DNAH1: variants seen among roughly 807,000 people sequenced by gnomAD.
DNAH1 encodes dynein axonemal heavy chain 1.
A neutral mutation model predicts 484.3 loss-of-function variants in DNAH1; 327 were observed. The ratio of observed to expected loss-of-function variants is 0.68; its 90% CI spans 0.62 to 0.74. The LOEUF is 0.74. Among genes scored for constraint, DNAH1 ranks in the 30% least tolerant of loss-of-function variants. The pLI, the probability that DNAH1 is intolerant of heterozygous loss-of-function variation, is 0.00. For synonymous variants in DNAH1, 2,192 were observed against 2,191.9 expected, an observed-to-expected ratio of 1.00 and a Z score of 0.00; for missense variants, 5,052 against 5,546.8, an observed-to-expected ratio of 0.91 and a Z score of 2.83.
chr3:52,350,107 A>C lies in DNAH1; in HGVS notation c.2645A>C (p.Glu882Ala). ...ATCCCGGAGAGGCTGGTGGGCCTGG[A>C]GGTGAGGCAGGCACACGGGCACTGG... is the stretch of plus-strand genomic sequence containing the variant. ...KGIPERLVGL[E>A]ERIVKVMDDY... The change falls in exon 15 of 78, where the codon GAG (glutamate) becomes GCG (alanine). Residue 882 changes from glutamate (E) to alanine (A), a missense_variant and splice_region_variant. This residue lies in a region of DNAH1 where 1,263 missense variants were observed against 1,218.8 expected (regional missense o/e 1.04). Transcript: ENST00000420323. The C allele has an allele frequency of 6.2e-7, 1 of 1,610,354 alleles. No homozygotes were observed. Among genetic ancestry groups the C allele is most frequent in the Non-Finnish European group, 8.5e-7 (1 of 1,179,064 alleles).
rs756838503 is a variant in DNAH1 at position 52,353,355 on chromosome 3, C to CA, written c.3227-24dup. 4 of 1,608,602 alleles carry CA rather than the reference C, an allele frequency of 2.5e-6. No homozygotes were observed. The highest frequency in any genetic ancestry group is 3.4e-6 in the Non-Finnish European group (4 of 1,176,160). On this transcript the variant is annotated intron_variant, in intron 19 of 77. Transcript: ENST00000420323. This position sits in a 1 kb window ranked among gnomAD's most constrained non-coding sequence, Gnocchi z 5.0. ...CTCCCTGCCTCTGCCGCCTGCCTCT[C>CA]ATGCGTTTCTGTCTTACCCGGCAGC...
Position 52,364,550 on chromosome 3 carries a change from C to T in DNAH1, c.5245-88C>T. On this transcript the variant is annotated intron_variant, in intron 32 of 77. Coordinates refer to ENST00000420323, the MANE Select transcript of DNAH1 (RefSeq NM_015512.5). The surrounding 1 kb of genome is among the most constrained non-coding windows in gnomAD (Gnocchi z 4.2). Reference sequence around the variant, plus strand: ...GCTATGAGCTGGTGATGAGACTTGGCCAACTGCCAGGTGGGAGGCAGAGTG... The same window carrying T: ...GCTATGAGCTGGTGATGAGACTTGGTCAACTGCCAGGTGGGAGGCAGAGTG... 2.0e-6 allele frequency: 3 copies of T among 1,477,018 alleles called. No homozygotes were observed. Among genetic ancestry groups the T allele is most frequent in the Admixed American group, 1.7e-5 (1 of 59,286 alleles). The allele number at this position is 1,477,018 out of a possible 1,614,324, so 91.5% of individuals were successfully genotyped here. A position where few individuals can be genotyped will look rare whatever the true frequency, so the allele number is the denominator to read the frequency against.
chr3:52,400,309 T>A lies in DNAH1; in HGVS notation c.12677-16T>A. ...TAGGGCATGACCTAACCCGTCCCCC[T>A]CCTTGCCCATTCCAGGAACACTATC... On this transcript the variant is annotated splice_polypyrimidine_tract_variant and intron_variant, in intron 77 of 77. Transcript: ENST00000420323. 6.2e-7 allele frequency: 1 copy of A among 1,613,732 alleles called. No homozygotes were observed.
chr3:52,315,080 G>A (rs1700903606), upstream of DNAH1, among the ~76,000 whole-genome samples: 1 of 152,192 alleles, frequency 6.6e-6, no homozygotes, highest in Admixed American at 6.5e-5. Flanking sequence ...ACTGCTGAGG[G>A]CAGCTGAGCA....
chr3:52,351,425 A>G (rs1487529578), intron 16 of DNAH1, among the ~76,000 whole-genome samples: 1 of 152,166 alleles, frequency 6.6e-6, no homozygotes, highest in East Asian at 1.9e-4. Flanking sequence ...GGAGAGGGAG[A>G]CACTGGCAGA....
rs549905542 is a variant in DNAH1 at position 52,369,860 on chromosome 3, G to A, written c.5979G>A (p.Ala1993=). 1.7e-5 allele frequency: 28 copies of A among 1,612,776 alleles called. No homozygotes were observed. Among genetic ancestry groups the A allele is most frequent in the African/African-American group, 1.5e-4 (11 of 75,026 alleles). The change falls in exon 38 of 78, where the codon GCG becomes GCA. Residue 1993 remains alanine, a synonymous_variant. Coordinates refer to ENST00000420323, the MANE Select transcript of DNAH1 (RefSeq NM_015512.5). ...TGATGTTCGAGGTGCAAGACCTGGCGGTGGCTTCACCAGCTACAGTCTCCC... is the reference window on the plus strand; with the variant it reads ...TGATGTTCGAGGTGCAAGACCTGGCAGTGGCTTCACCAGCTACAGTCTCCC... The part of the protein sequence containing the change: ...MTMMFEVQDL[A]VASPATVSRC...
chr3:52,358,565 TC>T lies in DNAH1; in HGVS notation c.4096del (p.Gln1366ArgfsTer40). 2 of 1,608,158 alleles carry T rather than the reference TC, an allele frequency of 1.2e-6. No homozygotes were observed. The highest frequency in any genetic ancestry group is 1.7e-6 in the Non-Finnish European group (2 of 1,177,530). On this transcript the variant is annotated frameshift_variant, in exon 25 of 78. Coordinates refer to ENST00000420323, the MANE Select transcript of DNAH1 (RefSeq NM_015512.5). LOFTEE classifies it high-confidence loss of function. The surrounding 1 kb of genome is among the most constrained non-coding windows in gnomAD (Gnocchi z 4.2). ...CTCCTCCACTGCTTGCAGCTGCTAT[TC>T]CAGGAGGACCTGGAGATCACGCACA... ...KCFENIARLLFQEDLEITHMY... is the reference protein window; with the variant it reads ...KCFENIARLLXQEDLEITHMY...
intron 60 of DNAH1, among the ~76,000 whole-genome samples, chr3:52,390,565 A>G (rs1188849332): frequency 6.6e-6 from 1 of 152,236 alleles, no homozygotes; most frequent in African/African-American, 2.4e-5. Flanking sequence ...CAGGAGGGTC[A>G]GTGGGGTATG....
At chr3:52,340,978 C>CCCTT (rs113750705) in intron 8 of DNAH1, among the ~76,000 whole-genome samples, 419 of 151,618 alleles carry the variant, frequency 2.8e-3, no homozygotes, top group South Asian at 6.7e-3. Context: ...CTTCCTCCCT[C>CCCTT]CCTTCCTTCC....
intron 6 of DNAH1, among the ~76,000 whole-genome samples, chr3:52,328,910 C>T (rs1701447586): frequency 1.3e-5 from 2 of 152,210 alleles, no homozygotes. Context: ...AGTAGGCCAG[C>T]TCCAGGTGGG....
At chr3:52,322,305 T>TCA in intron 1 of DNAH1, 104 bp from the exon 2 acceptor site, 1 of 728,386 alleles carries the variant, frequency 1.4e-6, no homozygotes. Context: ...TACCCATGGG[T>TCA]CATGGGCTGG....
chr3:52,395,084 C>T lies in DNAH1; in HGVS notation c.10968+25C>T. On this transcript the variant is annotated intron_variant, in intron 68 of 77. Coordinates refer to ENST00000420323, the MANE Select transcript of DNAH1 (RefSeq NM_015512.5). The surrounding 1 kb of genome is among the most constrained non-coding windows in gnomAD (Gnocchi z 4.4). Reference sequence around the variant, plus strand: ...GGCAAGTGCTGGAACCCTGGCAGGACTGGCACCTTGAGCTTGTCCCCACCC... The same window carrying T: ...GGCAAGTGCTGGAACCCTGGCAGGATTGGCACCTTGAGCTTGTCCCCACCC... 2 of 1,597,556 alleles carry T rather than the reference C, an allele frequency of 1.3e-6. No homozygotes were observed. The highest frequency in any genetic ancestry group is 1.7e-5 in the Admixed American group (1 of 58,064).
In DNAH1 at chr3:52,396,765, T is replaced by C; in HGVS notation, c.11578T>C (p.Phe3860Leu). Residue 3860 changes from phenylalanine to leucine, a missense_variant, in exon 72 of 78, where the codon TTC becomes CTC. Phe to Leu is a conservative substitution (Grantham distance 22). This residue lies in a region of DNAH1 where 853 missense variants were observed against 899.0 expected (regional missense o/e 0.95). Coordinates refer to ENST00000420323, the MANE Select transcript of DNAH1 (RefSeq NM_015512.5). ...CATCTGCATCAGCCAGCTCAAGATG[T>C]TCCTGGACGAATATGATGACATCCC... ...LRICISQLKMFLDEYDDIPYK... is the reference protein window; with the variant it reads ...LRICISQLKMLLDEYDDIPYK... The C allele has an allele frequency of 6.2e-7, 1 of 1,613,732 alleles. No homozygotes were observed. The highest frequency in any genetic ancestry group is 8.5e-7 in the Non-Finnish European group (1 of 1,179,854).
rs1243639477 is a variant in DNAH1, at chr3:52,317,339, C to CG, written c.-35+797dup. 2.0e-5 allele frequency among the ~76,000 whole-genome samples: 3 copies of CG among 152,212 alleles called. No homozygotes were observed. The East Asian group carries it at 5.8e-4, about 29-fold the overall frequency. On this transcript the variant is annotated intron_variant, in intron 1 of 77. Transcript: ENST00000420323. ...GGTGGGCGCCCGAGCCGAGGGGTGT[C>CG]GGGCGCATCCGCTGCCCAGCGGAAG...
chr3:52,372,157 T>C, intron 42 of DNAH1, 70 bp from the exon 43 acceptor site: 1 of 1,610,156 alleles, frequency 6.2e-7, no homozygotes, highest in South Asian at 1.1e-5. Context: ...GCCTCCCACA[T>C]GGATGCAGGG....
At position 52,361,478 on chromosome 3, in the gene DNAH1, T is replaced by A; in HGVS notation, c.4874+126T>A. 1 of 1,292,382 alleles carries A rather than the reference T, an allele frequency of 7.7e-7. No individual in the cohort carries two copies. The highest frequency in any genetic ancestry group is 1.1e-6 in the Non-Finnish European group (1 of 945,038). 80.1% of individuals were successfully genotyped at this position (1,292,382 alleles called of 1,614,324 possible). A position where few individuals can be genotyped will look rare whatever the true frequency, so the allele number is the denominator to read the frequency against. On this transcript the variant is annotated intron_variant, in intron 29 of 77. Coordinates refer to ENST00000420323, the MANE Select transcript of DNAH1 (RefSeq NM_015512.5). The surrounding 1 kb of genome is among the most constrained non-coding windows in gnomAD (Gnocchi z 5.6). Reference sequence around the variant, plus strand: ...TGGTGGAGGGGACAGAAGGGGGTAATAGGCATCACGGCTTGGTCCTGGGGG... The same window carrying A: ...TGGTGGAGGGGACAGAAGGGGGTAAAAGGCATCACGGCTTGGTCCTGGGGG...
intron 8 of DNAH1, among the ~76,000 whole-genome samples, chr3:52,332,610 A>G (rs958799642): frequency 6.6e-6 from 1 of 152,176 alleles, no homozygotes; most frequent in African/African-American, 2.4e-5. Flanking sequence ...TCCTTATTTT[A>G]TTCAAAGGGT....
Position 52,362,553 on chromosome 3 carries a change from T to G in DNAH1, c.5094+52T>G. The G allele has an allele frequency of 1.3e-6, 2 of 1,498,030 alleles. No individual in the cohort carries two copies. Among genetic ancestry groups the G allele is most frequent in the Non-Finnish European group, 1.8e-6 (2 of 1,090,200 alleles). 92.8% of individuals were successfully genotyped at this position (1,498,030 alleles called of 1,614,324 possible). A position where few individuals can be genotyped will look rare whatever the true frequency, so the allele number is the denominator to read the frequency against. On this transcript the variant is annotated intron_variant, in intron 31 of 77. Transcript: ENST00000420323. The surrounding 1 kb of genome is among the most constrained non-coding windows in gnomAD (Gnocchi z 5.1). ...GAAGCACCAGAGCTCTAGCCTGAGT[T>G]CAGAGATGCTAAGCCACTTATGCAA...
intron 10 of DNAH1, 83 bp from the exon 11 acceptor site, chr3:52,346,389 C>T: frequency 7.0e-7 from 1 of 1,426,372 alleles, no homozygotes; most frequent in Non-Finnish European, 9.4e-7. Context: ...GCCCCAAGCA[C>T]CCTGGTGCAT....
Sources: gnomAD v4.1 joint callset for allele counts (sites outside exome capture counted in the v4.1 genomes callset) on GRCh38, gnomAD v4.1.1 for gene constraint, gnomAD v4.1.1 regional missense constraint, Gnocchi (gnomAD v3.1) non-coding constraint, MANE v1.5 for transcripts, NCBI Gene and HGNC (gene_info 2026-07-23, HGNC 2026-07-21) for gene names.